The following NTN1 variants were observed in gnomAD, a reference collection of about 807,000 sequenced individuals.
NTN1 encodes the protein netrin-1.
NTN1 carries 11 observed loss-of-function variants against 54.2 expected under a neutral mutation model. That is an observed-to-expected ratio of 0.20 (90% CI 0.13 to 0.34). The LOEUF (loss-of-function observed/expected upper bound fraction) is 0.34, where lower values mean the gene tolerates loss of function less well. NTN1 is among the 10% of genes least tolerant of loss of function. NTN1 has a pLI of 1.00. For synonymous variants in NTN1, 371 were observed against 382.0 expected, an observed-to-expected ratio of 0.97 and a Z score of 0.33; for missense variants, 740 against 893.1, an observed-to-expected ratio of 0.83 and a Z score of 2.18.
intron 6 of NTN1, among the ~76,000 whole-genome samples, chr17:9,227,128 C>A (rs1905594790): frequency 1.3e-5 from 2 of 152,262 alleles, no homozygotes; most frequent in South Asian, 4.1e-4. Flanking sequence ...GCGCTGCCTC[C>A]CACGTCTCAC....
At chr17:9,008,368 G>A in the NTN1 span, among the ~76,000 whole-genome samples, 1 of 151,870 alleles carries the variant, frequency 6.6e-6, no homozygotes, top group Admixed American at 6.6e-5. Context: ...CCCCAGGCTG[G>A]AGTGCAGTGG....
intron 2 of NTN1, among the ~76,000 whole-genome samples, chr17:9,092,395 C>T (rs2092114455): frequency 7.6e-6 from 1 of 131,376 alleles, no homozygotes; most frequent in Non-Finnish European, 1.5e-5. Flanking sequence ...TCAAGCGATT[C>T]TCATGTCTCA....
chr17:9,163,767 T>C (rs2092366063), intron 3 of NTN1, among the ~76,000 whole-genome samples: 1 of 151,884 alleles, frequency 6.6e-6, no homozygotes. Flanking sequence ...AATTCAGTGA[T>C]GCTGGAGGGT....
At chr17:9,216,632 C>CT (rs553514885) in intron 5 of NTN1, among the ~76,000 whole-genome samples, 5 of 152,244 alleles carry the variant, frequency 3.3e-5, no homozygotes, top group Non-Finnish European at 5.9e-5. Context: ...ACAGCTCTGT[C>CT]TTCAGCTCCT....
chr17:9,220,475 T>C (rs1186002888), intron 5 of NTN1, among the ~76,000 whole-genome samples: 1 of 151,888 alleles, frequency 6.6e-6, no homozygotes, highest in Non-Finnish European at 1.5e-5. Context: ...ATTTGGGGGT[T>C]GACACAGGCC....
chr17:9,023,345 C>T lies in NTN1; in HGVS notation c.972C>T (p.Asp324=). ...ACCGCTGCAAGCCCTTCCACTACGA[C>T]CGGCCCTGGCAGCGCGCCACAGCCC... ...ECDRCKPFHY[D]RPWQRATARE... Residue 324 remains aspartate (D), a synonymous_variant, in exon 2 of 7, where the codon GAC becomes GAT. Transcript: ENST00000173229. The T allele has an allele frequency of 6.6e-7, 1 of 1,504,058 alleles. No individual in the cohort carries two copies. Among genetic ancestry groups the T allele is most frequent in the Non-Finnish European group, 8.9e-7 (1 of 1,125,756 alleles). The allele number at this position is 1,504,058 out of a possible 1,614,324, so 93.2% of individuals were successfully genotyped here.
chr17:9,054,362 C>T (rs779562082), intron 2 of NTN1, among the ~76,000 whole-genome samples: 1 of 152,196 alleles, frequency 6.6e-6, no homozygotes, highest in African/African-American at 2.4e-5. Flanking sequence ...TGGGAGAAGC[C>T]GCCTGCCCAG....
intron 2 of NTN1, among the ~76,000 whole-genome samples, chr17:9,029,245 G>T (rs2091881390): frequency 6.6e-6 from 1 of 152,118 alleles, no homozygotes; most frequent in Non-Finnish European, 1.5e-5. Flanking sequence ...CATTGTCCTA[G>T]GTGCTTTATA....
chr17:9,079,041 C>T (rs2092061105), intron 2 of NTN1, among the ~76,000 whole-genome samples: 2 of 152,232 alleles, frequency 1.3e-5, no homozygotes, highest in Non-Finnish European at 2.9e-5. Flanking sequence ...TCCCTCTACT[C>T]CACATCCAGC....
At chr17:9,182,199 A>G (rs2092420444) in intron 4 of NTN1, among the ~76,000 whole-genome samples, 1 of 147,462 alleles carries the variant, frequency 6.8e-6, no homozygotes, top group African/African-American at 2.5e-5. Flanking sequence ...GGCTGGTTGC[A>G]AACTCCTGGC....
At chr17:9,142,465 G>A (rs1191934610) in intron 2 of NTN1, among the ~76,000 whole-genome samples, 1 of 151,976 alleles carries the variant, frequency 6.6e-6, no homozygotes, top group East Asian at 1.9e-4. Context: ...GCCAGCAGCA[G>A]GTAGCAGAGG....
At chr17:9,235,254 C>T (rs578230524) in intron 6 of NTN1, among the ~76,000 whole-genome samples, 8 of 152,076 alleles carry the variant, frequency 5.3e-5, no homozygotes, top group South Asian at 4.2e-4. Flanking sequence ...TGTAAGTCAC[C>T]GTGCCCAGCC....
chr17:9,003,540 CG>C, the NTN1 span, among the ~76,000 whole-genome samples: 1 of 148,554 alleles, frequency 6.7e-6, no homozygotes, highest in Non-Finnish European at 1.5e-5. The surrounding 1 kb of genome is among the most constrained non-coding windows in gnomAD (Gnocchi z 7.4). Flanking sequence ...GCCCCGCGGT[CG>C]CGCACGGTCA....
intron 3 of NTN1, 137 bp downstream of exon 3, chr17:9,163,138 T>C: frequency 1.3e-6 from 1 of 755,050 alleles, no homozygotes; most frequent in Non-Finnish European, 2.1e-6. Flanking sequence ...TCTCTCTTTC[T>C]CTCTCTGTGA....
chr17:9,025,263 G>A (rs2091866208), intron 2 of NTN1, among the ~76,000 whole-genome samples: 1 of 152,188 alleles, frequency 6.6e-6, no homozygotes, highest in South Asian at 2.1e-4. Context: ...ACCTGCGTTT[G>A]TTATAATGAT....
At chr17:9,078,458 G>A (rs966539340) in intron 2 of NTN1, among the ~76,000 whole-genome samples, 6 of 152,186 alleles carry the variant, frequency 3.9e-5, no homozygotes, top group East Asian at 3.8e-4. Flanking sequence ...CCTGTCCCCC[G>A]GAATCTCTGG....
At chr17:9,019,993 C>T (rs2151505182), upstream of NTN1, among the ~76,000 whole-genome samples, 1 of 152,300 alleles carries the variant, frequency 6.6e-6, no homozygotes, top group Middle Eastern at 3.4e-3. Context: ...CCAGGCTGTC[C>T]TGCAATGGAA....
chr17:9,221,696 G>A lies in NTN1; in HGVS notation c.1486+454G>A, dbSNP rs1000338938. 2.6e-5 allele frequency among the ~76,000 whole-genome samples: 4 copies of A among 152,210 alleles called. No homozygotes were observed. Among genetic ancestry groups the A allele is most frequent in the East Asian group, 3.9e-4 (2 of 5,194 alleles). On this transcript the variant is annotated intron_variant, in intron 6 of 6. Transcript: ENST00000173229. The surrounding 1 kb of genome is among the most constrained non-coding windows in gnomAD (Gnocchi z 4.5). ...TGTTCCGCCAGGCTGTAGCGGGGCC[G>A]GGAGTCTGCGCTGTAAACGGCTCAC...
chr17:9,171,515 GA>G (rs1172551403), intron 3 of NTN1: 1 of 152,268 alleles, frequency 6.6e-6, no homozygotes, highest in Non-Finnish European at 1.5e-5. Flanking sequence ...AAACAAAGAA[GA>G]AAAAGGAAGA....
Sources: allele counts gnomAD v4.1 joint callset (sites outside exome capture counted in the v4.1 genomes callset), GRCh38; gene constraint gnomAD v4.1.1; non-coding constraint Gnocchi (gnomAD v3.1); transcripts MANE v1.5; gene names NCBI Gene and HGNC (gene_info 2026-07-23, HGNC 2026-07-21).